Variants in GLYATL1B observed in about 807,000 individuals in gnomAD.
The protein encoded by GLYATL1B is glycine-N-acyltransferase like 1B.
Under a neutral mutation model 5.5 loss-of-function variants are expected in GLYATL1B, and 6 were observed. That is an observed-to-expected ratio of 1.09 (90% CI 0.60 to 2.15). The LOEUF (loss-of-function observed/expected upper bound fraction) is 2.15. Ranked by LOEUF, GLYATL1B falls within the 30% of genes most tolerant of loss-of-function variation. The pLI is 0.00. For missense variants in GLYATL1B, 135 were observed against 94.1 expected (o/e 1.43, Z -1.80); for synonymous variants, 67 against 34.9 (o/e 1.92, Z -3.24).
At chr11:59,092,010 C>A (rs1405816302) in intron 2 of GLYATL1B, among the ~76,000 whole-genome samples, 1 of 152,106 alleles carries the variant, frequency 6.6e-6, no homozygotes, top group Non-Finnish European at 1.5e-5. Context: ...TTGAAGTTTT[C>A]TATTTTTTGA....
intron 2 of GLYATL1B, among the ~76,000 whole-genome samples, chr11:59,089,881 TA>T (rs1859272103): frequency 6.6e-6 from 1 of 152,126 alleles, no homozygotes; most frequent in Non-Finnish European, 1.5e-5. Flanking sequence ...GTTTTTTTGT[TA>T]ATAATTAGGA....
intron 3 of GLYATL1B, 138 bp downstream of exon 3, chr11:59,093,793 T>G (rs1590874969): frequency 2.3e-6 from 1 of 440,030 alleles, no homozygotes; most frequent in Non-Finnish European, 4.1e-6. Context: ...TGGAGCAATC[T>G]GTGGTGTGCC....
rs569285501 is a variant in GLYATL1B, at chr11:59,094,612, A to C, written c.735A>C (p.Thr245=). ...VEKYRRRGNG[T]RLIMRCMKYL... ...AATACCGAAGGAGAGGCAATGGGAC[A>C]CGGCTGATCATGCGATGCATGAAGT... is the stretch of plus-strand genomic sequence containing the variant. Residue 245 remains threonine, a synonymous_variant, in exon 5 of 5, where the codon ACA becomes ACC. Coordinates refer to ENST00000527482, the MANE Select transcript of GLYATL1B (RefSeq NM_001355566.1). The C allele has an allele frequency of 4.4e-6, 2 of 454,156 alleles. No homozygotes were observed. Among genetic ancestry groups the C allele is most frequent in the Non-Finnish European group, 8.0e-6 (2 of 251,198 alleles). 28.1% of individuals were successfully genotyped at this position (454,156 alleles called of 1,614,324 possible).
chr11:59,092,532 G>T (rs562562154), intron 2 of GLYATL1B, among the ~76,000 whole-genome samples: 115 of 152,050 alleles, frequency 7.6e-4, no homozygotes, highest in South Asian at 8.3e-4. Context: ...AATTCTTGAA[G>T]GTTTCTTTAA....
rs192170272 is a variant in GLYATL1B, at chr11:59,091,879, C to A, written c.187-1650C>A. Reference sequence around the variant, plus strand: ...TGTATTCCTATGGAATACTACACAGCAATAGAAAAGAATAAAATATTGTCC... The same window carrying A: ...TGTATTCCTATGGAATACTACACAGAAATAGAAAAGAATAAAATATTGTCC... On this transcript the variant is annotated intron_variant, in intron 2 of 4. Coordinates refer to ENST00000527482, the MANE Select transcript of GLYATL1B (RefSeq NM_001355566.1). Among the ~76,000 whole-genome samples, 81 of 152,242 alleles carry A rather than the reference C, an allele frequency of 5.3e-4. No individual in the cohort carries two copies. The East Asian group carries it at 0.014, about 25-fold the overall frequency.
chr11:59,092,316 A>T (rs559123245), intron 2 of GLYATL1B, among the ~76,000 whole-genome samples: 12 of 151,892 alleles, frequency 7.9e-5, no homozygotes, highest in African/African-American at 2.9e-4. Context: ...ACATTTCATT[A>T]TTTATGGCTT....
At chr11:59,092,035 A>G (rs896312944) in intron 2 of GLYATL1B, among the ~76,000 whole-genome samples, 3 of 152,190 alleles carry the variant, frequency 2.0e-5, no homozygotes, top group Non-Finnish European at 4.4e-5. Flanking sequence ...CAATTTTGAT[A>G]GTTTATTCTT....
Position 59,094,642 on chromosome 11 carries a change from G to C in GLYATL1B, c.765G>C (p.Leu255=), listed in dbSNP as rs907086705. Residue 255 remains leucine, a synonymous_variant, in exon 5 of 5, where the codon CTG becomes CTC. Transcript: ENST00000527482. ...TRLIMRCMKY[L]CQKNIPFYGS... ...TGATCATGCGATGCATGAAGTATCT[G>C]TGTCAGAAGAATATTCCATTTTACG... is the stretch of plus-strand genomic sequence containing the variant. 1 of 431,976 alleles carries C rather than the reference G, an allele frequency of 2.3e-6. No homozygotes were observed. Among genetic ancestry groups the C allele is most frequent in the African/African-American group, 2.0e-5 (1 of 49,302 alleles). 26.8% of individuals were successfully genotyped at this position (431,976 alleles called of 1,614,324 possible).
chr11:59,088,626 A>G (rs985732531), intron 2 of GLYATL1B, among the ~76,000 whole-genome samples: 1 of 152,220 alleles, frequency 6.6e-6, no homozygotes, highest in African/African-American at 2.4e-5. Context: ...CTTTGTAGTC[A>G]CTATGTGTAT....
intron 2 of GLYATL1B, among the ~76,000 whole-genome samples, chr11:59,088,121 C>T (rs1859229042): frequency 6.6e-6 from 1 of 152,158 alleles, no homozygotes; most frequent in Non-Finnish European, 1.5e-5. Context: ...ATAGGCCCTT[C>T]TGTGAGTTTT....
At chr11:59,089,730 C>T (rs889623001) in intron 2 of GLYATL1B, among the ~76,000 whole-genome samples, 11 of 152,122 alleles carry the variant, frequency 7.2e-5, no homozygotes, top group African/African-American at 2.7e-4. Flanking sequence ...ATGAGGGATA[C>T]TAACACAAGG....
chr11:59,087,961 C>T lies in GLYATL1B; in HGVS notation c.186+790C>T, dbSNP rs1427842088. 4.6e-5 allele frequency among the ~76,000 whole-genome samples: 7 copies of T among 152,338 alleles called. No homozygotes were observed. The East Asian group carries it at 1.4e-3, about 29-fold the overall frequency. ...GACTGTCATCATCAGAACAATTTTA[C>T]AAAGTGAGCTTTAATATCTTTAATT... is the stretch of plus-strand genomic sequence containing the variant. On this transcript the variant is annotated intron_variant, in intron 2 of 4. Coordinates refer to ENST00000527482, the MANE Select transcript of GLYATL1B (RefSeq NM_001355566.1).
chr11:59,088,936 T>A (rs1859249843), intron 2 of GLYATL1B, among the ~76,000 whole-genome samples: 1 of 152,180 alleles, frequency 6.6e-6, no homozygotes, highest in Non-Finnish European at 1.5e-5. Context: ...ATATTAATTT[T>A]TCTTTGTTGG....
intron 2 of GLYATL1B, among the ~76,000 whole-genome samples, chr11:59,090,120 A>G (rs1005800809): frequency 6.6e-6 from 1 of 152,070 alleles, no homozygotes; most frequent in African/African-American, 2.4e-5. Context: ...ATTTTGTCAT[A>G]TAACTTTTAT....
At chr11:59,086,409 G>C (rs1859196637) in intron 1 of GLYATL1B, 25 bp downstream of exon 1, 3 of 398,638 alleles carry the variant, frequency 7.5e-6, no homozygotes, top group Non-Finnish European at 1.3e-5. Context: ...GGAGGTTGGG[G>C]TATGGGAGTA....
intron 2 of GLYATL1B, among the ~76,000 whole-genome samples, chr11:59,092,050 G>A (rs1859324060): frequency 6.6e-6 from 1 of 152,090 alleles, no homozygotes; most frequent in African/African-American, 2.4e-5. Flanking sequence ...ATTCTTGAGG[G>A]ATAACATCCA....
At chr11:59,088,733 T>C (rs1859245060) in intron 2 of GLYATL1B, among the ~76,000 whole-genome samples, 1 of 152,144 alleles carries the variant, frequency 6.6e-6, no homozygotes. Flanking sequence ...ACAAAAATAT[T>C]AAAATATAAA....
intron 2 of GLYATL1B, among the ~76,000 whole-genome samples, chr11:59,092,280 A>G (rs1271335453): frequency 2.0e-5 from 3 of 151,040 alleles, no homozygotes; most frequent in African/African-American, 7.3e-5. Context: ...TTGGCTTTAT[A>G]TATCATTTGC....
rs1383779686 is a variant in GLYATL1B at position 59,093,652 on chromosome 11, C to T, written c.310C>T (p.Gln104Ter). Residue 104 changes from glutamine (Q) to a stop codon, truncating the protein, a stop_gained, in exon 3 of 5, where the codon CAA (glutamine) becomes TAA (stop). Transcript: ENST00000527482. LOFTEE classifies it high-confidence loss of function. ...AAACTGGAAACAGAAACTCCAAATC[C>T]AAGGTAACAAGTCTGAAGAAATGGG... The part of the protein sequence containing the change: ...IINWKQKLQI[Q>*]GFQESLGEGI... 1 of 506,316 alleles carries T rather than the reference C, an allele frequency of 2.0e-6. No individual in the cohort carries two copies. Among genetic ancestry groups the T allele is most frequent in the Non-Finnish European group, 3.4e-6 (1 of 294,732 alleles). The allele number at this position is 506,316 out of a possible 1,614,324, so 31.4% of individuals were successfully genotyped here. A position where few individuals can be genotyped will look rare whatever the true frequency, so the allele number is the denominator to read the frequency against.
Sources: gnomAD v4.1 joint callset for allele counts (sites outside exome capture counted in the v4.1 genomes callset) on GRCh38, gnomAD v4.1.1 for gene constraint, MANE v1.5 for transcripts, NCBI Gene and HGNC (gene_info 2026-07-23, HGNC 2026-07-21) for gene names.